Variants in OPCML observed in about 807,000 individuals in gnomAD.
OPCML encodes the protein opioid-binding protein/cell adhesion molecule.
In OPCML, 13 loss-of-function variants were observed where a neutral mutation model predicts 37.8. The ratio of observed to expected loss-of-function variants is 0.34; its 90% CI spans 0.22 to 0.55. The LOEUF (loss-of-function observed/expected upper bound fraction) is 0.55. Among genes scored for constraint, OPCML ranks in the 20% least tolerant of loss-of-function variants. OPCML has a pLI of 0.91. For missense variants in OPCML, 341 were observed against 435.6 expected, an observed-to-expected ratio of 0.78 and a Z score of 1.93; for synonymous variants, 176 against 168.8, an observed-to-expected ratio of 1.04 and a Z score of -0.33.
At chr11:132,806,163 T>C (rs1938995315) in intron 2 of OPCML, among the ~76,000 whole-genome samples, 1 of 151,992 alleles carries the variant, frequency 6.6e-6, no homozygotes, top group Non-Finnish European at 1.5e-5. Flanking sequence ...AATACTGGAT[T>C]AACATAGGAG....
chr11:132,703,543 C>T (rs1943913815), intron 2 of OPCML, among the ~76,000 whole-genome samples: 1 of 152,202 alleles, frequency 6.6e-6, no homozygotes, highest in African/African-American at 2.4e-5. Context: ...AGTCATTTCC[C>T]ACTCAGTCTG....
chr11:132,649,678 C>T (rs1416402539), intron 3 of OPCML, among the ~76,000 whole-genome samples: 1 of 152,110 alleles, frequency 6.6e-6, no homozygotes, highest in Non-Finnish European at 1.5e-5. Context: ...TATGTATACA[C>T]ATATACATAT....
intron 3 of OPCML, among the ~76,000 whole-genome samples, chr11:132,644,149 A>G (rs1941017416): frequency 6.6e-6 from 1 of 152,164 alleles, no homozygotes; most frequent in African/African-American, 2.4e-5. Context: ...ACCAATAACA[A>G]TGCTATAATT....
chr11:133,301,501 G>A (rs1276978021), intron 1 of OPCML: 1 of 152,174 alleles, frequency 6.6e-6, no homozygotes, highest in East Asian at 1.9e-4. Flanking sequence ...CTCAATTCCA[G>A]GTTGTATTTT....
Position 133,177,425 on chromosome 11 carries a change from G to T in OPCML, c.62-234415C>A, listed in dbSNP as rs1937621966. 6.6e-6 allele frequency among the ~76,000 whole-genome samples: 1 copy of T among 152,178 alleles called. No homozygotes were observed. The highest frequency in any genetic ancestry group is 1.5e-5 in the Non-Finnish European group (1 of 68,022). On this transcript the variant is annotated intron_variant, in intron 1 of 7. Coordinates refer to ENST00000524381, the MANE Select transcript of OPCML (RefSeq NM_001012393.5). This position sits in a 1 kb window ranked among gnomAD's most constrained non-coding sequence, Gnocchi z 5.0. ...AATGCTAATTTATGATTTTGGACAGGTTACTTGAACTTTATTAAGCTGAGC... is the reference window on the plus strand; with the variant it reads ...AATGCTAATTTATGATTTTGGACAGTTTACTTGAACTTTATTAAGCTGAGC...
intron 4 of OPCML, among the ~76,000 whole-genome samples, chr11:132,472,473 A>G (rs1313821657): frequency 6.6e-6 from 1 of 152,238 alleles, no homozygotes; most frequent in Non-Finnish European, 1.5e-5. Context: ...GTCTTCTTGC[A>G]TATCTTTGGT....
At chr11:132,687,107 A>G (rs529539671) in intron 2 of OPCML, among the ~76,000 whole-genome samples, 2 of 152,140 alleles carry the variant, frequency 1.3e-5, no homozygotes, top group African/African-American at 4.8e-5. Flanking sequence ...GGCACTTGAC[A>G]AACACTGAAT....
chr11:133,142,676 C>T (rs1210857001), intron 1 of OPCML, among the ~76,000 whole-genome samples: 1 of 152,084 alleles, frequency 6.6e-6, no homozygotes, highest in African/African-American at 2.4e-5. Flanking sequence ...CATGAGCTGC[C>T]TATTTCCACT....
chr11:132,988,267 G>A (rs1177981737), intron 1 of OPCML, among the ~76,000 whole-genome samples: 1 of 152,098 alleles, frequency 6.6e-6, no homozygotes, highest in Non-Finnish European at 1.5e-5. Context: ...GGGTAAAATG[G>A]CAGTTTTATT....
chr11:133,094,557 A>G (rs1401508362), intron 1 of OPCML, among the ~76,000 whole-genome samples: 2 of 152,200 alleles, frequency 1.3e-5, no homozygotes, highest in Non-Finnish European at 2.9e-5. Context: ...AAATTTGCTC[A>G]GAAGCATTTT....
At chr11:133,252,111 T>C (rs1463246140) in intron 1 of OPCML, among the ~76,000 whole-genome samples, 1 of 152,192 alleles carries the variant, frequency 6.6e-6, no homozygotes, top group African/African-American at 2.4e-5. Context: ...AGTAGGAATT[T>C]CATTTTTAAA....
intron 1 of OPCML, among the ~76,000 whole-genome samples, chr11:133,125,094 A>G (rs989589263): frequency 5.9e-5 from 9 of 152,172 alleles, no homozygotes; most frequent in African/African-American, 1.9e-4. Context: ...CTGGAGATAT[A>G]CTGATTGGCT....
chr11:133,187,187 A>G (rs987527427), intron 1 of OPCML, among the ~76,000 whole-genome samples: 1 of 152,182 alleles, frequency 6.6e-6, no homozygotes, highest in Non-Finnish European at 1.5e-5. Context: ...TAATCCATAC[A>G]AGGGAGTCAT....
intron 1 of OPCML, among the ~76,000 whole-genome samples, chr11:133,122,851 A>G (rs1949442715): frequency 1.3e-5 from 2 of 152,328 alleles, no homozygotes; most frequent in South Asian, 4.2e-4. Flanking sequence ...GTTCGCTGAC[A>G]CTGCTATGGC....
intron 1 of OPCML, among the ~76,000 whole-genome samples, chr11:133,240,860 T>C (rs1940704940): frequency 6.6e-6 from 1 of 152,178 alleles, no homozygotes; most frequent in African/African-American, 2.4e-5. Context: ...CTTTTATTCC[T>C]CCAGGTTAAA....
At chr11:132,736,486 C>T (rs1945264503) in intron 2 of OPCML, among the ~76,000 whole-genome samples, 1 of 152,188 alleles carries the variant, frequency 6.6e-6, no homozygotes, top group Non-Finnish European at 1.5e-5. Flanking sequence ...ACCATCCTTG[C>T]CTCCTGGCAG....
intron 2 of OPCML, among the ~76,000 whole-genome samples, chr11:132,673,567 G>C (rs753228791): frequency 6.6e-6 from 1 of 152,126 alleles, no homozygotes; most frequent in Non-Finnish European, 1.5e-5. Context: ...TGCTCTGATA[G>C]GGTTGGGGCA....
chr11:133,268,132 C>A (rs1414642037), intron 1 of OPCML, among the ~76,000 whole-genome samples: 1 of 152,146 alleles, frequency 6.6e-6, no homozygotes, highest in South Asian at 2.1e-4. Flanking sequence ...TTTCTGGCAA[C>A]CCCTCAAGGC....
chr11:132,482,758 G>A (rs1170821938), intron 4 of OPCML, among the ~76,000 whole-genome samples: 1 of 151,958 alleles, frequency 6.6e-6, no homozygotes, highest in Admixed American at 6.6e-5. Context: ...TGCAAGGCTG[G>A]TTCAATATAC....
Sources: allele counts gnomAD v4.1 joint callset (sites outside exome capture counted in the v4.1 genomes callset), GRCh38; gene constraint gnomAD v4.1.1; non-coding constraint Gnocchi (gnomAD v3.1); transcripts MANE v1.5; gene names NCBI Gene and HGNC (gene_info 2026-07-23, HGNC 2026-07-21).